Variants in NPAS2 observed in about 807,000 individuals in gnomAD.
NPAS2 encodes the protein neuronal PAS domain-containing protein 2.
In NPAS2, 23 loss-of-function variants were observed where a neutral mutation model predicts 107.5. The observed-to-expected ratio is 0.21, with a 90% CI of 0.15 to 0.30. The LOEUF (loss-of-function observed/expected upper bound fraction) is 0.30. NPAS2 is among the 10% of genes least tolerant of loss of function. The pLI, the probability that NPAS2 is intolerant of heterozygous loss-of-function variation, is 1.00. For missense variants in NPAS2, 756 were observed against 1,043.3 expected (o/e 0.72, Z 3.79); for synonymous variants, 403 against 417.5 (o/e 0.97, Z 0.42).
chr2:100,842,081 G>GCGCGCACACACACACACACACACACA, intron 1 of NPAS2, among the ~76,000 whole-genome samples: 11 of 148,798 alleles, frequency 7.4e-5, no homozygotes, highest in African/African-American at 1.5e-4. Flanking sequence ...GCATGTACGC[G>GCGCGCACACACACACACACACACACA]CACACACACA....
At chr2:100,839,566 T>C (rs1677267898) in intron 1 of NPAS2, among the ~76,000 whole-genome samples, 1 of 152,194 alleles carries the variant, frequency 6.6e-6, no homozygotes, top group Non-Finnish European at 1.5e-5. Flanking sequence ...TATATATAAA[T>C]GAAATACGTG....
intron 12 of NPAS2, 54 bp from the exon 13 acceptor site, chr2:100,974,749 C>G (rs1362942254): frequency 1.3e-5 from 20 of 1,573,360 alleles, no homozygotes; most frequent in Non-Finnish European, 1.6e-5. Context: ...GTCACGCCCA[C>G]TGATTCTTTC....
intron 15 of NPAS2, among the ~76,000 whole-genome samples, chr2:100,981,693 G>T (rs988328471): frequency 2.6e-5 from 4 of 152,148 alleles, no homozygotes; most frequent in Non-Finnish European, 5.9e-5. Flanking sequence ...CTGGAGAGGG[G>T]AGGGTGAGGG....
intron 5 of NPAS2, among the ~76,000 whole-genome samples, chr2:100,945,731 C>T: frequency 6.6e-6 from 1 of 152,294 alleles, no homozygotes; most frequent in South Asian, 2.1e-4. Context: ...CATGCTGAGC[C>T]CCCTGGCTGG....
chr2:100,943,646 C>T (rs1674715456), intron 5 of NPAS2, among the ~76,000 whole-genome samples: 1 of 152,318 alleles, frequency 6.6e-6, no homozygotes, highest in African/African-American at 2.4e-5. Flanking sequence ...GCAGGCTGTG[C>T]AGTAAGAAGA....
chr2:100,963,995 A>G, intron 7 of NPAS2, 63 bp from the exon 8 acceptor site: 5 of 994,500 alleles, frequency 5.0e-6, no homozygotes, highest in Non-Finnish European at 8.0e-6. Context: ...AGTGCCAACT[A>G]GGGATTGGCT....
In NPAS2 at chr2:100,968,224, A is replaced by G; in HGVS notation, c.908-57A>G. The G allele has an allele frequency of 6.4e-7, 1 of 1,556,160 alleles. No individual in the cohort carries two copies. ...CTTATCTTTACAATAACTCTTGGGG[A>G]AAAGATCATTTTCATATTAACATTG... On this transcript the variant is annotated intron_variant, in intron 10 of 20. Coordinates refer to ENST00000335681, the MANE Select transcript of NPAS2 (RefSeq NM_002518.4). The surrounding 1 kb of genome is among the most constrained non-coding windows in gnomAD (Gnocchi z 5.3).
chr2:100,915,587 G>T (rs570610064), intron 2 of NPAS2, among the ~76,000 whole-genome samples: 178 of 152,294 alleles, frequency 1.2e-3, no homozygotes, highest in African/African-American at 3.7e-3. Context: ...ACATATTTTA[G>T]TAGCACTATG....
At chr2:100,949,628 T>C in intron 7 of NPAS2, 148 bp downstream of exon 7, 1 of 612,312 alleles carries the variant, frequency 1.6e-6, no homozygotes. Flanking sequence ...GGATGTGTTT[T>C]TGTGCTCATC....
chr2:100,911,128 C>T (rs1411112128), intron 2 of NPAS2, among the ~76,000 whole-genome samples: 1 of 152,160 alleles, frequency 6.6e-6, no homozygotes, highest in Non-Finnish European at 1.5e-5. Flanking sequence ...GGCTTCTCAG[C>T]ACATTAAAGA....
chr2:100,990,551 A>G (rs1678051098), intron 18 of NPAS2, 105 bp downstream of exon 18: 3 of 1,285,698 alleles, frequency 2.3e-6, no homozygotes, highest in African/African-American at 2.9e-5. Flanking sequence ...GACAGATTCT[A>G]AAGTGTCCAC....
rs1225998900 is a variant in NPAS2 at position 100,995,758 on chromosome 2, T to C, written c.*176T>C. ...AGTGCAGCGCTTGCTGCAGTGGAAA[T>C]GATCAGGAATACTGACCGTGTTTCT... On this transcript the variant is annotated 3_prime_UTR_variant, in exon 21 of 21. Coordinates refer to ENST00000335681, the MANE Select transcript of NPAS2 (RefSeq NM_002518.4). The C allele has an allele frequency of 3.9e-6, 6 of 1,549,396 alleles. No homozygotes were observed. Among genetic ancestry groups the C allele is most frequent in the African/African-American group, 2.7e-5 (2 of 73,024 alleles).
chr2:100,856,892 A>G (rs1440089629), intron 1 of NPAS2, among the ~76,000 whole-genome samples: 1 of 152,212 alleles, frequency 6.6e-6, no homozygotes, highest in Non-Finnish European at 1.5e-5. Flanking sequence ...GTAGTAAGAC[A>G]GCACCTGGGT....
At chr2:100,884,624 A>G (rs1474881005) in intron 1 of NPAS2, among the ~76,000 whole-genome samples, 2 of 152,202 alleles carry the variant, frequency 1.3e-5, no homozygotes, top group Non-Finnish European at 2.9e-5. Context: ...TATAAGATTT[A>G]TGACCTCAAA....
At chr2:100,873,285 TATATATATATATATATATATATAC>T (rs1679710865) in intron 1 of NPAS2, among the ~76,000 whole-genome samples, 1 of 34,556 alleles carries the variant, frequency 2.9e-5, no homozygotes, top group African/African-American at 1.0e-4. Flanking sequence ...CATATATATA[TATATATATATATATATATATATAC>T]ACACACACAC....
intron 1 of NPAS2, among the ~76,000 whole-genome samples, chr2:100,825,569 T>C (rs1676322651): frequency 6.6e-6 from 1 of 152,182 alleles, no homozygotes. Flanking sequence ...AAACTGGATT[T>C]TGTACAGTAG....
chr2:100,993,663 G>T (rs946164305), intron 20 of NPAS2, 136 bp downstream of exon 20: 8 of 646,318 alleles, frequency 1.2e-5, no homozygotes, highest in Admixed American at 3.7e-5. Flanking sequence ...GCCCCAGAAA[G>T]ATTGTTATTT....
At chr2:100,873,307 T>TATATATATATACACAC (rs1280164445) in intron 1 of NPAS2, among the ~76,000 whole-genome samples, 1 of 41,902 alleles carries the variant, frequency 2.4e-5, no homozygotes, top group Admixed American at 4.3e-4. Flanking sequence ...TATATATATA[T>TATATATATATACACAC]ACACACACAC....
intron 4 of NPAS2, among the ~76,000 whole-genome samples, chr2:100,936,796 TA>T (rs11331120): frequency 0.77 from 116,074 of 151,702 alleles, 44,738 homozygotes; most frequent in East Asian, 0.99. Context: ...GCCTGGCCAA[TA>T]ATGGTGAAAC....
Sources: gnomAD v4.1 joint callset for allele counts (sites outside exome capture counted in the v4.1 genomes callset) on GRCh38, gnomAD v4.1.1 for gene constraint, Gnocchi (gnomAD v3.1) non-coding constraint, MANE v1.5 for transcripts, NCBI Gene and HGNC (gene_info 2026-07-23, HGNC 2026-07-21) for gene names.